Variants in TNKS observed in about 807,000 individuals in gnomAD.
TNKS encodes poly [ADP-ribose] polymerase tankyrase-1.
In TNKS, 72 loss-of-function variants were observed where a neutral mutation model predicts 135.8. The ratio of observed to expected loss-of-function variants is 0.53; its 90% CI spans 0.44 to 0.64. The LOEUF (loss-of-function observed/expected upper bound fraction) is 0.64, where lower values mean the gene tolerates loss of function less well. Ranked by LOEUF, TNKS falls within the 30% of genes least tolerant of loss-of-function variation. TNKS has a pLI of 0.00. For synonymous variants in TNKS, 849 were observed against 649.3 expected (o/e 1.31, Z -4.68); for missense variants, 1,769 against 1,674.0 (o/e 1.06, Z -0.99).
intron 3 of TNKS, among the ~76,000 whole-genome samples, chr8:9,655,460 A>G (rs1308478973): frequency 6.6e-6 from 1 of 151,982 alleles, no homozygotes; most frequent in Non-Finnish European, 1.5e-5. Flanking sequence ...TGGGTCCCTG[A>G]CCCCCGAGTA....
intron 17 of TNKS, among the ~76,000 whole-genome samples, chr8:9,747,147 T>C (rs1399191274): frequency 6.6e-6 from 1 of 152,116 alleles, no homozygotes; most frequent in African/African-American, 2.4e-5. Flanking sequence ...CCTCCCAAAG[T>C]GCTGGGATTA....
chr8:9,766,579 G>A (rs1253876331), intron 25 of TNKS, among the ~76,000 whole-genome samples, 154 bp downstream of exon 25: 1 of 149,630 alleles, frequency 6.7e-6, no homozygotes, highest in Admixed American at 6.8e-5. Flanking sequence ...TCCACCTCCT[G>A]GGTTCAAGCA....
At chr8:9,604,004 A>G (rs1156381671) in intron 2 of TNKS, among the ~76,000 whole-genome samples, 1 of 152,004 alleles carries the variant, frequency 6.6e-6, no homozygotes, top group Admixed American at 6.5e-5. Flanking sequence ...CTAAAAAGAA[A>G]TAAAAAGAGG....
intron 3 of TNKS, among the ~76,000 whole-genome samples, chr8:9,622,741 A>C (rs1009614494): frequency 2.0e-5 from 3 of 152,204 alleles, no homozygotes; most frequent in Non-Finnish European, 2.9e-5. Flanking sequence ...TTGAAAGACA[A>C]GTTACCTAAT....
At chr8:9,613,993 A>T (rs7846207) in intron 2 of TNKS, among the ~76,000 whole-genome samples, 1,873 of 152,330 alleles carry the variant, frequency 0.012, 33 homozygotes, top group African/African-American at 0.042. Context: ...TCTGCTTTTC[A>T]TGGTAGCTAT....
At chr8:9,693,469 A>G (rs1259204351) in intron 5 of TNKS, among the ~76,000 whole-genome samples, 3 of 152,314 alleles carry the variant, frequency 2.0e-5, no homozygotes, top group East Asian at 1.9e-4. Context: ...GAGGGAAAAA[A>G]TAATAAACGT....
At chr8:9,690,308 G>A (rs908160401) in intron 5 of TNKS, among the ~76,000 whole-genome samples, 5 of 152,144 alleles carry the variant, frequency 3.3e-5, no homozygotes, top group African/African-American at 1.2e-4. Flanking sequence ...ATAATGTGAC[G>A]TTAAAATTGA....
chr8:9,599,474 C>T (rs372591980), intron 2 of TNKS, among the ~76,000 whole-genome samples: 2 of 152,182 alleles, frequency 1.3e-5, no homozygotes, highest in East Asian at 3.8e-4. Context: ...CAGACAGTTA[C>T]TAAGGATTGA....
Position 9,710,298 on chromosome 8 carries a change from G to C in TNKS, c.1749+78G>C, listed in dbSNP as rs535413088. On this transcript the variant is annotated intron_variant, in intron 11 of 26. Coordinates refer to ENST00000310430, the MANE Select transcript of TNKS (RefSeq NM_003747.3). ...CTCTTAACACTGCTTCTCTCTCTCC[G>C]ATTTTTCTGAAGAAACTAATTTTAT... is the stretch of plus-strand genomic sequence containing the variant. The C allele has an allele frequency of 1.5e-4, 200 of 1,355,218 alleles. No homozygotes were observed. In the East Asian group the frequency reaches 4.6e-3, roughly 31 times the overall value. 83.9% of individuals were successfully genotyped at this position (1,355,218 alleles called of 1,614,324 possible).
chr8:9,639,023 T>C (rs942007636), intron 3 of TNKS, among the ~76,000 whole-genome samples: 2 of 152,198 alleles, frequency 1.3e-5, no homozygotes, highest in African/African-American at 4.8e-5. Flanking sequence ...AAACAAATTA[T>C]TGTCTAACCT....
rs572600215 is a variant in TNKS at position 9,587,096 on chromosome 8, A to C, written c.898+6713A>C. ...AATGTTAACTTTACATTGCTAACAGAAATTAAGGTTACAGATGGAATTTTG... is the reference window on the plus strand; with the variant it reads ...AATGTTAACTTTACATTGCTAACAGCAATTAAGGTTACAGATGGAATTTTG... On this transcript the variant is annotated intron_variant, in intron 2 of 26. Transcript: ENST00000310430. Among the ~76,000 whole-genome samples the C allele has an allele frequency of 2.0e-5, 3 of 152,332 alleles. No homozygotes were observed. The East Asian group carries it at 5.8e-4, about 29-fold the overall frequency.
chr8:9,563,063 TC>T (rs1797399183), intron 1 of TNKS, among the ~76,000 whole-genome samples: 1 of 152,122 alleles, frequency 6.6e-6, no homozygotes, highest in Non-Finnish European at 1.5e-5. Flanking sequence ...TGTTACTTGC[TC>T]CATTTCTTTA....
chr8:9,736,412 A>C (rs1293927208), intron 17 of TNKS, among the ~76,000 whole-genome samples: 1 of 151,664 alleles, frequency 6.6e-6, no homozygotes, highest in Non-Finnish European at 1.5e-5. Flanking sequence ...GGTTTCAGAG[A>C]GTAGGAATTA....
At chr8:9,597,917 A>G (rs1030162641) in intron 2 of TNKS, among the ~76,000 whole-genome samples, 2 of 152,208 alleles carry the variant, frequency 1.3e-5, no homozygotes, top group South Asian at 2.1e-4. Flanking sequence ...TAATAGGATA[A>G]TGTGTCAAAT....
intron 3 of TNKS, among the ~76,000 whole-genome samples, chr8:9,650,588 T>A (rs1585277622): frequency 6.6e-6 from 1 of 152,226 alleles, no homozygotes. Context: ...TTTTTTCATA[T>A]GTTTGTTGGC....
In TNKS at chr8:9,556,225, A is replaced by G. The variant is rs762904486; in HGVS notation, c.286A>G (p.Ile96Val). The G allele has an allele frequency of 2.5e-6, 4 of 1,614,026 alleles. No homozygotes were observed. The highest frequency in any genetic ancestry group is 3.4e-6 in the Non-Finnish European group (4 of 1,180,020). ...CAGCTGTTGCAGTACCACCAGCACA[A>G]TCTGTACCGTCGCCGCCGCTCCCGT... ...GTSCCSTTST[I>V]CTVAAAPVVP... Residue 96 changes from isoleucine to valine, a missense_variant, in exon 1 of 27, where the codon ATC becomes GTC. Physicochemically the swap from Ile to Val is conservative, Grantham distance 29. This residue lies in a region of TNKS where 450 missense variants were observed against 304.9 expected (regional missense o/e 1.48). Transcript: ENST00000310430.
At chr8:9,558,691 G>C (rs1051514801) in intron 1 of TNKS, 1 of 152,112 alleles carries the variant, frequency 6.6e-6, no homozygotes. Context: ...TGTATATCCA[G>C]ATAAGCTAGA....
At chr8:9,754,152 T>A (rs57932559) in intron 20 of TNKS, among the ~76,000 whole-genome samples, 1,921 of 152,296 alleles carry the variant, frequency 0.013, 39 homozygotes, top group African/African-American at 0.043. Context: ...CAGACACTTT[T>A]CTTCCAAGGA....
chr8:9,676,686 C>CTGTGTGTGTGTGTGTGTGTGTG (rs147459978), intron 3 of TNKS, among the ~76,000 whole-genome samples: 3 of 147,786 alleles, frequency 2.0e-5, no homozygotes, highest in African/African-American at 7.5e-5. Flanking sequence ...CTCTCTCTCT[C>CTGTGTGTGTGTGTGTGTGTGTG]TGTGTGTGTG....
Sources: gnomAD v4.1 joint callset for allele counts (sites outside exome capture counted in the v4.1 genomes callset) on GRCh38, gnomAD v4.1.1 for gene constraint, gnomAD v4.1.1 regional missense constraint, MANE v1.5 for transcripts, NCBI Gene and HGNC (gene_info 2026-07-23, HGNC 2026-07-21) for gene names.